CACNA1A: variants seen among roughly 807,000 people sequenced by gnomAD.
The protein encoded by CACNA1A is voltage-dependent P/Q-type calcium channel subunit alpha-1A.
CACNA1A carries 57 observed loss-of-function variants against 262.4 expected under a neutral mutation model. The ratio of observed to expected loss-of-function variants is 0.22; its 90% CI spans 0.18 to 0.27. The LOEUF (loss-of-function observed/expected upper bound fraction) is 0.27, where lower values mean the gene tolerates loss of function less well. Ranked by LOEUF, CACNA1A falls within the 10% of genes least tolerant of loss-of-function variation. The pLI is 1.00. For missense variants in CACNA1A, 2,526 were observed against 3,562.8 expected (o/e 0.71, Z 7.41); for synonymous variants, 1,431 against 1,419.3 (o/e 1.01, Z -0.18).
chr19:13,499,514 A>G (rs1482462787), intron 1 of CACNA1A, among the ~76,000 whole-genome samples: 1 of 151,948 alleles, frequency 6.6e-6, no homozygotes, highest in Admixed American at 6.6e-5. Flanking sequence ...TTTCCAAAAA[A>G]AGAACACTGG....
rs754846728 is a variant in CACNA1A, at chr19:13,261,624, T to G, written c.4090-14A>C. On this transcript the variant is annotated splice_polypyrimidine_tract_variant and intron_variant, in intron 25 of 46. Coordinates refer to ENST00000360228, the MANE Select transcript of CACNA1A (RefSeq NM_001127222.2). ...GTCAAACACAGCCTGTGGGGTGGAG[T>G]TGACAGAGAGCATGAGGGGCTGGGG... The G allele has an allele frequency of 6.2e-7, 1 of 1,604,738 alleles. No individual in the cohort carries two copies. The highest frequency in any genetic ancestry group is 1.7e-5 in the Admixed American group (1 of 58,162).
Position 13,286,937 on chromosome 19 carries a change from G to C in CACNA1A, c.3119C>G (p.Ser1040Trp), listed in dbSNP as rs776628272. 1.2e-6 allele frequency: 2 copies of C among 1,607,762 alleles called. No homozygotes were observed. The highest frequency in any genetic ancestry group is 4.5e-5 in the East Asian group (2 of 44,742). The change falls in exon 20 of 47, where the codon TCG becomes TGG. Residue 1040 changes from serine to tryptophan, a missense_variant. Coordinates refer to ENST00000360228, the MANE Select transcript of CACNA1A (RefSeq NM_001127222.2). ...CCGGGTGGTTGACAGGTTGGGGCCC[G>C]ACACAGGGACCCCGGAGCCCTGGTT... ...KENQGSGVPV[S>W]GPNLSTTRPI... is the part of the protein sequence containing the mutation.
chr19:13,366,452 C>G (rs538517741), intron 4 of CACNA1A, among the ~76,000 whole-genome samples: 2 of 152,106 alleles, frequency 1.3e-5, no homozygotes, highest in East Asian at 1.9e-4. Context: ...AAGACGCTGT[C>G]TCAAATAAAT....
intron 3 of CACNA1A, among the ~76,000 whole-genome samples, chr19:13,412,129 G>A (rs2060121405): frequency 6.6e-6 from 1 of 152,034 alleles, no homozygotes; most frequent in Non-Finnish European, 1.5e-5. Context: ...GCCCTGACTT[G>A]AGGCCTCCGT....
chr19:13,380,121 T>C (rs1006257228), intron 3 of CACNA1A, among the ~76,000 whole-genome samples: 1 of 129,148 alleles, frequency 7.7e-6, no homozygotes, highest in Admixed American at 8.3e-5. Flanking sequence ...CCGTCTCTAC[T>C]AAAAATACAA....
chr19:13,298,647 G>GGCCCTC lies in CACNA1A; in HGVS notation c.2980_2985dup (p.Glu994_Gly995dup), dbSNP rs764399373. 331 of 1,517,446 alleles carry GGCCCTC rather than the reference G, an allele frequency of 2.2e-4. No individual in the cohort carries two copies. Among genetic ancestry groups the GGCCCTC allele is most frequent in the African/African-American group, 1.6e-3 (110 of 69,136 alleles). 94.0% of individuals were successfully genotyped at this position (1,517,446 alleles called of 1,614,324 possible). ...CTTCTCCTGCGCTCGCCCCCGTCGG[G>GGCCCTC]GCCCTCGCCCTCGCCCTCGCCGCCC... On this transcript the variant is annotated inframe_insertion, in exon 19 of 47. Coordinates refer to ENST00000360228, the MANE Select transcript of CACNA1A (RefSeq NM_001127222.2).
At chr19:13,270,642 T>C (rs1403910094) in intron 24 of CACNA1A, among the ~76,000 whole-genome samples, 3 of 152,158 alleles carry the variant, frequency 2.0e-5, no homozygotes, top group Non-Finnish European at 4.4e-5. Flanking sequence ...GCAGTTTGGC[T>C]CTTAGGTGTG....
chr19:13,336,594 G>GGAGAGAGAGGGGGAGA (rs1555768093), intron 6 of CACNA1A, among the ~76,000 whole-genome samples: 1 of 65,494 alleles, frequency 1.5e-5, no homozygotes, highest in Non-Finnish European at 3.1e-5. Context: ...AGAGAGAGAG[G>GGAGAGAGAGGGGGAGA]GAGAGAGAGA....
chr19:13,238,593 G>GTGTTT (rs1437389050), intron 31 of CACNA1A, among the ~76,000 whole-genome samples: 1 of 25,160 alleles, frequency 4.0e-5, no homozygotes, highest in Admixed American at 4.9e-4. Flanking sequence ...CTATCACCCA[G>GTGTTT]TATTTTTTTT....
chr19:13,434,238 C>T (rs1204060553), intron 3 of CACNA1A, among the ~76,000 whole-genome samples: 1 of 152,134 alleles, frequency 6.6e-6, no homozygotes, highest in Non-Finnish European at 1.5e-5. Flanking sequence ...CTCACTGCAG[C>T]CTCGACCTCC....
intron 12 of CACNA1A, among the ~76,000 whole-genome samples, chr19:13,310,193 C>T (rs1342440126): frequency 1.3e-5 from 2 of 151,674 alleles, no homozygotes; most frequent in Admixed American, 6.6e-5. Context: ...TGGTGGCTCA[C>T]GCTTGTAATC....
At chr19:13,417,886 T>C (rs763350946) in intron 3 of CACNA1A, among the ~76,000 whole-genome samples, 14 of 103,204 alleles carry the variant, frequency 1.4e-4, no homozygotes, top group Non-Finnish European at 1.9e-4. Flanking sequence ...CAAGACTCCA[T>C]CTCAAAAAAA....
At chr19:13,451,959 C>A (rs1340921861) in intron 3 of CACNA1A, 1 of 152,024 alleles carries the variant, frequency 6.6e-6, no homozygotes, top group Non-Finnish European at 1.5e-5. Flanking sequence ...TCAAGCAATT[C>A]TCCCAGGCAT....
chr19:13,220,327 C>T (rs1180721622), intron 38 of CACNA1A, among the ~76,000 whole-genome samples: 2 of 152,054 alleles, frequency 1.3e-5, no homozygotes, highest in African/African-American at 4.8e-5. Context: ...TAGGCCTGCC[C>T]CAATCAGGTG....
chr19:13,322,926 T>C (rs116169785), intron 10 of CACNA1A, among the ~76,000 whole-genome samples: 4,674 of 152,274 alleles, frequency 0.031, 233 homozygotes, highest in African/African-American at 0.11. Context: ...AAGGCCACAT[T>C]TGCAGGTACC....
chr19:13,396,977 C>T (rs938448317), intron 3 of CACNA1A, among the ~76,000 whole-genome samples: 3 of 152,164 alleles, frequency 2.0e-5, no homozygotes, highest in African/African-American at 7.2e-5. Context: ...ATGTAGGGCT[C>T]GCGATGGCTT....
intron 24 of CACNA1A, among the ~76,000 whole-genome samples, chr19:13,263,963 A>C (rs2056802749): frequency 6.6e-6 from 1 of 152,084 alleles, no homozygotes; most frequent in African/African-American, 2.4e-5. Context: ...CTGAGTCTGA[A>C]GGAGGGAAAA....
intron 22 of CACNA1A, among the ~76,000 whole-genome samples, chr19:13,282,699 G>C (rs7247995): frequency 2.0e-5 from 3 of 151,120 alleles, no homozygotes; most frequent in East Asian, 1.9e-4. Flanking sequence ...CGGGGGGTTG[G>C]GGGGGCGCAT....
At chr19:13,221,974 T>C (rs12462531) in intron 38 of CACNA1A, among the ~76,000 whole-genome samples, 12,301 of 152,136 alleles carry the variant, frequency 0.081, 606 homozygotes, top group South Asian at 0.11. Flanking sequence ...TGATGTGATC[T>C]CGGCTCACTG....
Sources: allele counts gnomAD v4.1 joint callset (sites outside exome capture counted in the v4.1 genomes callset), GRCh38; gene constraint gnomAD v4.1.1; transcripts MANE v1.5; gene names NCBI Gene and HGNC (gene_info 2026-07-23, HGNC 2026-07-21).